Variants in GNG12 observed in about 807,000 individuals in gnomAD.
GNG12 encodes the protein guanine nucleotide-binding protein G(I)/G(S)/G(O) subunit gamma-12.
For synonymous variants in GNG12, 28 were observed against 29.7 expected (o/e 0.94, Z 0.19); for missense variants, 69 against 83.8 (o/e 0.82, Z 0.69).
intron 1 of GNG12, among the ~76,000 whole-genome samples, chr1:67,807,618 A>G (rs1240439389): frequency 6.6e-6 from 1 of 151,980 alleles, no homozygotes; most frequent in African/African-American, 2.4e-5. Context: ...CCAATATTAG[A>G]TATAAAGGAG....
At chr1:67,718,469 T>C (rs1180821633) in intron 2 of GNG12, among the ~76,000 whole-genome samples, 1 of 152,288 alleles carries the variant, frequency 6.6e-6, no homozygotes, top group East Asian at 1.9e-4. Flanking sequence ...TGAGACCTGA[T>C]AAATATTCTA....
At chr1:67,816,447 A>C (rs1389728320) in intron 1 of GNG12, among the ~76,000 whole-genome samples, 1 of 152,186 alleles carries the variant, frequency 6.6e-6, no homozygotes, top group African/African-American at 2.4e-5. Context: ...CGACTTTCCA[A>C]GCCCCTGCCT....
chr1:67,746,187 C>T (rs17130233), intron 2 of GNG12, among the ~76,000 whole-genome samples: 3,957 of 152,220 alleles, frequency 0.026, 90 homozygotes, highest in African/African-American at 0.066. Flanking sequence ...ACATACTCAG[C>T]AGGTCCACAG....
intron 2 of GNG12, among the ~76,000 whole-genome samples, chr1:67,737,960 C>A (rs943621391): frequency 1.3e-5 from 2 of 152,026 alleles, no homozygotes; most frequent in African/African-American, 4.8e-5. Flanking sequence ...CTTTTCTTTT[C>A]CTTTTTTTTT....
chr1:67,737,052 G>C (rs1448529892), intron 2 of GNG12, among the ~76,000 whole-genome samples: 1 of 152,204 alleles, frequency 6.6e-6, no homozygotes, highest in Non-Finnish European at 1.5e-5. Flanking sequence ...ATTCAGATGT[G>C]TCCACTCCTG....
intron 1 of GNG12, among the ~76,000 whole-genome samples, chr1:67,813,129 T>G (rs1274021936): frequency 6.6e-6 from 1 of 152,012 alleles, no homozygotes; most frequent in East Asian, 1.9e-4. Context: ...CTTTCCAAAC[T>G]GGGCCCTTTA....
chr1:67,709,913 TA>T (rs1310444543), intron 2 of GNG12, among the ~76,000 whole-genome samples: 1 of 49,750 alleles, frequency 2.0e-5, no homozygotes, highest in African/African-American at 7.1e-5. Context: ...TTTATATAGT[TA>T]TATATATAGT....
intron 1 of GNG12, among the ~76,000 whole-genome samples, chr1:67,793,671 T>C (rs1373992257): frequency 6.6e-6 from 1 of 152,210 alleles, no homozygotes. Flanking sequence ...CTCTGAATAA[T>C]GAACTTGGGA....
chr1:67,788,869 G>A (rs1301288862), intron 1 of GNG12, among the ~76,000 whole-genome samples: 1 of 152,186 alleles, frequency 6.6e-6, no homozygotes, highest in African/African-American at 2.4e-5. Context: ...ATTACTTTGT[G>A]GCAATATCTG....
rs556355027 is a variant in GNG12, at chr1:67,817,779, C to G, written c.-77+15565G>C. On this transcript the variant is annotated intron_variant, in intron 1 of 3. Transcript: ENST00000370982. The stretch of plus-strand genomic sequence containing the variant: ...TGTTAATAAATGTTTTCTTTTGTTT[C>G]TTTCTTTCTTTTTTTTTTTTTTTTT... 4.7e-3 allele frequency among the ~76,000 whole-genome samples: 540 copies of G among 114,228 alleles called. 2 individuals are homozygous for G. The highest frequency in any genetic ancestry group is 8.1e-3 in the Non-Finnish European group (434 of 53,522). 74.9% of individuals were successfully genotyped at this position (114,228 alleles called of 152,430 possible).
intron 1 of GNG12, among the ~76,000 whole-genome samples, chr1:67,827,796 T>A (rs1317331174): frequency 1.3e-5 from 2 of 152,192 alleles, no homozygotes; most frequent in East Asian, 3.9e-4. Flanking sequence ...AAACCCTCCT[T>A]GTCACAGGAT....
At chr1:67,802,734 A>G (rs1053973009) in intron 1 of GNG12, among the ~76,000 whole-genome samples, 32 of 152,236 alleles carry the variant, frequency 2.1e-4, no homozygotes, top group African/African-American at 7.5e-4. Flanking sequence ...CCCTGTCTAG[A>G]CAGCCTCAGT....
intron 2 of GNG12, among the ~76,000 whole-genome samples, chr1:67,757,103 T>C (rs1332616598): frequency 1.3e-5 from 2 of 152,252 alleles, no homozygotes; most frequent in Non-Finnish European, 2.9e-5. Context: ...TGTATATACA[T>C]AATGAGATAT....
intron 2 of GNG12, among the ~76,000 whole-genome samples, chr1:67,765,663 G>C (rs760645741): frequency 6.6e-6 from 1 of 152,140 alleles, no homozygotes. Flanking sequence ...AAAAAGTATA[G>C]GAAGCAGTAG....
At chr1:67,820,176 G>T (rs1646977000) in intron 1 of GNG12, among the ~76,000 whole-genome samples, 1 of 151,962 alleles carries the variant, frequency 6.6e-6, no homozygotes, top group Admixed American at 6.6e-5. Context: ...ATCATCTGAG[G>T]TCAGGAGTTC....
intron 2 of GNG12, among the ~76,000 whole-genome samples, chr1:67,773,710 A>G (rs997023501): frequency 1.3e-5 from 2 of 152,188 alleles, no homozygotes; most frequent in African/African-American, 4.8e-5. Flanking sequence ...GAGAGAAATA[A>G]CATTCACAGA....
chr1:67,819,373 G>T (rs1169550144), intron 1 of GNG12, among the ~76,000 whole-genome samples: 1 of 152,148 alleles, frequency 6.6e-6, no homozygotes, highest in African/African-American at 2.4e-5. Flanking sequence ...CTACAGTTGT[G>T]TCTTAGGAAA....
intron 1 of GNG12, among the ~76,000 whole-genome samples, chr1:67,823,402 T>C (rs1646994528): frequency 6.6e-6 from 1 of 152,190 alleles, no homozygotes; most frequent in Non-Finnish European, 1.5e-5. Flanking sequence ...TACTTTCCAC[T>C]TCTCTTGATT....
At chr1:67,740,436 A>G (rs1304621197) in intron 2 of GNG12, among the ~76,000 whole-genome samples, 3 of 152,228 alleles carry the variant, frequency 2.0e-5, no homozygotes, top group Non-Finnish European at 4.4e-5. Context: ...TTTATGTATT[A>G]CCCATGGCTG....
Sources: gnomAD v4.1 joint callset for allele counts (sites outside exome capture counted in the v4.1 genomes callset) on GRCh38, gnomAD v4.1.1 for gene constraint, MANE v1.5 for transcripts, NCBI Gene and HGNC (gene_info 2026-07-23, HGNC 2026-07-21) for gene names.